Variants in SORCS3 observed in about 807,000 individuals in gnomAD.
SORCS3 encodes the protein VPS10 domain-containing receptor SorCS3.
SORCS3 carries 57 observed loss-of-function variants against 146.3 expected under a neutral mutation model. The observed-to-expected ratio is 0.39, with a 90% CI of 0.31 to 0.49. The LOEUF (loss-of-function observed/expected upper bound fraction) is 0.49. SORCS3 is among the 20% of genes least tolerant of loss of function. SORCS3 has a pLI of 0.92. For synonymous variants in SORCS3, 653 were observed against 618.5 expected (o/e 1.06, Z -0.83); for missense variants, 1,341 against 1,575.5 (o/e 0.85, Z 2.52).
In SORCS3 at chr10:104,849,778, C is replaced by T. The variant is rs555828551; in HGVS notation, c.695+6919C>T. On this transcript the variant is annotated intron_variant, in intron 2 of 26. Transcript: ENST00000369701. ...TCATACCCTGTTAGCTCAGCAGCCT[C>T]AGCCAGGCTCCAGATGACAACTGTG... is the stretch of plus-strand genomic sequence containing the variant. Among the ~76,000 whole-genome samples, 35 of 152,330 alleles carry T rather than the reference C, an allele frequency of 2.3e-4. 1 individual carries two copies. Among genetic ancestry groups the T allele is most frequent in the African/African-American group, 8.4e-4 (35 of 41,578 alleles).
intron 2 of SORCS3, among the ~76,000 whole-genome samples, chr10:104,855,480 G>A: frequency 6.6e-6 from 1 of 152,094 alleles, no homozygotes; most frequent in South Asian, 2.1e-4. Context: ...TTAGGTCTAT[G>A]ATTTCTTTCA....
chr10:105,208,063 C>A (rs2056613334), intron 16 of SORCS3, among the ~76,000 whole-genome samples: 1 of 152,016 alleles, frequency 6.6e-6, no homozygotes, highest in African/African-American at 2.4e-5. Context: ...TAATTCAGGC[C>A]AGGAACATGG....
intron 3 of SORCS3, among the ~76,000 whole-genome samples, chr10:104,965,741 C>G (rs1416501956): frequency 6.6e-6 from 1 of 152,068 alleles, no homozygotes; most frequent in Non-Finnish European, 1.5e-5. Flanking sequence ...AATGTCTATT[C>G]AAGTCCTTTG....
Position 105,264,135 on chromosome 10 carries a change from A to G in SORCS3, c.*761A>G, listed in dbSNP as rs889436873. On this transcript the variant is annotated 3_prime_UTR_variant, in exon 27 of 27. Coordinates refer to ENST00000369701, the MANE Select transcript of SORCS3 (RefSeq NM_014978.3). Reference sequence around the variant, plus strand: ...TGCCATAGCTGGTTTCTACTTATGTATATAAAGGGGGGTGGGGGGAGGGGC... The same window carrying G: ...TGCCATAGCTGGTTTCTACTTATGTGTATAAAGGGGGGTGGGGGGAGGGGC... 21 of 104,854 alleles carry G rather than the reference A, an allele frequency of 2.0e-4. No individual in the cohort carries two copies. The highest frequency in any genetic ancestry group is 3.3e-4 in the African/African-American group (9 of 26,876). The allele number at this position is 104,854 out of a possible 1,614,324, so 6.5% of individuals were successfully genotyped here.
At chr10:105,009,672 GT>G (rs1031438415) in intron 4 of SORCS3, among the ~76,000 whole-genome samples, 1 of 151,684 alleles carries the variant, frequency 6.6e-6, no homozygotes, top group South Asian at 2.1e-4. Context: ...TATTTTGAGT[GT>G]TTTTTATGAC....
intron 3 of SORCS3, 62 bp from the exon 4 acceptor site, chr10:104,977,273 G>C (rs2054905001): frequency 7.4e-7 from 1 of 1,358,626 alleles, no homozygotes; most frequent in South Asian, 1.6e-5. Flanking sequence ...TATGATTAAA[G>C]TTATTATATT....
intron 2 of SORCS3, among the ~76,000 whole-genome samples, chr10:104,867,177 G>T (rs968995473): frequency 7.5e-6 from 1 of 133,684 alleles, no homozygotes; most frequent in Non-Finnish European, 1.6e-5. Flanking sequence ...AGGGTGGTGT[G>T]AAAGGAACTG....
chr10:104,905,434 C>A (rs548540335), intron 2 of SORCS3, among the ~76,000 whole-genome samples: 2 of 152,244 alleles, frequency 1.3e-5, no homozygotes, highest in Admixed American at 1.3e-4. Flanking sequence ...TGGTCCAGCA[C>A]AAAGGAGCAT....
At chr10:104,767,078 A>G (rs1286983762) in intron 1 of SORCS3, among the ~76,000 whole-genome samples, 3 of 152,298 alleles carry the variant, frequency 2.0e-5, no homozygotes, top group South Asian at 2.1e-4. Context: ...CATTCCTTCA[A>G]TACTTCTGGT....
intron 4 of SORCS3, 137 bp from the exon 5 acceptor site, chr10:105,042,918 C>T: frequency 1.4e-6 from 1 of 705,148 alleles, no homozygotes; most frequent in East Asian, 2.5e-5. Context: ...CATATTCCTA[C>T]CTTTTTATCT....
At chr10:104,928,653 T>G (rs1039898585) in intron 3 of SORCS3, among the ~76,000 whole-genome samples, 6 of 152,108 alleles carry the variant, frequency 3.9e-5, no homozygotes, top group African/African-American at 1.4e-4. Flanking sequence ...GTACACACTC[T>G]GCTGGTGAGC....
intron 7 of SORCS3, among the ~76,000 whole-genome samples, chr10:105,136,359 C>T (rs2056058951): frequency 6.6e-6 from 1 of 152,138 alleles, no homozygotes; most frequent in African/African-American, 2.4e-5. Flanking sequence ...AGCACTGATC[C>T]CTTCATGATG....
At chr10:105,086,008 C>G (rs1419381033) in intron 5 of SORCS3, among the ~76,000 whole-genome samples, 1 of 151,582 alleles carries the variant, frequency 6.6e-6, no homozygotes, top group South Asian at 2.1e-4. Flanking sequence ...TTTTTTCTCT[C>G]TGTATATGTA....
At chr10:105,020,286 C>G (rs139574355) in intron 4 of SORCS3, among the ~76,000 whole-genome samples, 1 of 152,276 alleles carries the variant, frequency 6.6e-6, no homozygotes, top group Non-Finnish European at 1.5e-5. Flanking sequence ...TTAAGGGCCT[C>G]GTAAATACTG....
At chr10:104,914,909 AG>A (rs2019009092) in intron 2 of SORCS3, among the ~76,000 whole-genome samples, 2 of 151,976 alleles carry the variant, frequency 1.3e-5, no homozygotes, top group South Asian at 4.2e-4. Context: ...CTTGAGTTGG[AG>A]AAGTTTTGTA....
intron 21 of SORCS3, 25 bp from the exon 22 acceptor site, chr10:105,247,194 A>T: frequency 7.3e-7 from 1 of 1,377,010 alleles, no homozygotes; most frequent in Non-Finnish European, 1.0e-6. Context: ...TCCCAGCCTC[A>T]CTTAAACATT....
At chr10:104,767,674 C>T (rs1422068157) in intron 1 of SORCS3, among the ~76,000 whole-genome samples, 1 of 129,840 alleles carries the variant, frequency 7.7e-6, no homozygotes, top group Non-Finnish European at 1.6e-5. Flanking sequence ...TCCCCTTCTC[C>T]ACTCCCTTCC....
intron 5 of SORCS3, among the ~76,000 whole-genome samples, chr10:105,075,775 C>T (rs1306930903): frequency 6.6e-6 from 1 of 152,074 alleles, no homozygotes; most frequent in East Asian, 1.9e-4. Context: ...CACCAGAGAC[C>T]ACAGAGGGAA....
At chr10:104,703,152 T>A (rs2016300047) in intron 1 of SORCS3, among the ~76,000 whole-genome samples, 1 of 152,158 alleles carries the variant, frequency 6.6e-6, no homozygotes, top group Non-Finnish European at 1.5e-5. Context: ...GAAGTTGAAG[T>A]CTCAAGAAAG....
Sources: allele counts gnomAD v4.1 joint callset (sites outside exome capture counted in the v4.1 genomes callset), GRCh38; gene constraint gnomAD v4.1.1; transcripts MANE v1.5; gene names NCBI Gene and HGNC (gene_info 2026-07-23, HGNC 2026-07-21).